Variants in PDE11A observed in about 807,000 individuals in gnomAD.
The protein encoded by PDE11A is dual 3',5'-cyclic-AMP and -GMP phosphodiesterase 11A.
PDE11A carries 100 observed loss-of-function variants against 100.5 expected under a neutral mutation model. The ratio of observed to expected loss-of-function variants is 1.00; its 90% confidence interval spans 0.85 to 1.18. PDE11A has a LOEUF of 1.18. PDE11A is among the 50% of genes most tolerant of loss of function. The pLI is 0.00. For missense variants in PDE11A, 1,141 were observed against 1,152.6 expected (o/e 0.99, Z 0.15); for synonymous variants, 381 against 420.8 (o/e 0.91, Z 1.16).
chr2:177,898,924 G>A (rs2084655930), intron 3 of PDE11A, among the ~76,000 whole-genome samples: 1 of 152,180 alleles, frequency 6.6e-6, no homozygotes, highest in East Asian at 1.9e-4. Flanking sequence ...TTTAACTTTG[G>A]AACATTTACC....
intron 18 of PDE11A, among the ~76,000 whole-genome samples, chr2:177,668,170 A>G (rs2080617558): frequency 6.6e-6 from 1 of 152,192 alleles, no homozygotes; most frequent in Non-Finnish European, 1.5e-5. Context: ...GAGCCTACAG[A>G]TAAAGGCTCC....
At position 178,014,359 on chromosome 2, in the gene PDE11A, C is replaced by G. The variant is rs1460532910; in HGVS notation, c.1014G>C (p.Val338=). The G allele has an allele frequency of 6.2e-7, 1 of 1,612,728 alleles. No individual in the cohort carries two copies. The highest frequency in any genetic ancestry group is 1.7e-5 in the Admixed American group (1 of 60,012). ...CAGGAATCTTATTTATCGCTTGGGC[C>G]ACACCAATAATCTCACCATCACTGC... ...IRSSDGEIIG[V]AQAINKIPEG... Residue 338 remains valine (V), a synonymous_variant, in exon 2 of 20, where the codon GTG becomes GTC. Coordinates refer to ENST00000286063, the MANE Select transcript of PDE11A (RefSeq NM_016953.4).
intron 1 of PDE11A, chr2:178,104,479 G>A: frequency 6.2e-7 from 1 of 1,612,796 alleles, no homozygotes; most frequent in African/African-American, 1.3e-5. Context: ...ATGTTGCTCT[G>A]CAATGGAACA....
chr2:177,916,918 G>A (rs112782151), intron 2 of PDE11A, among the ~76,000 whole-genome samples: 11,391 of 142,300 alleles, frequency 0.08, 460 homozygotes, highest in Middle Eastern at 0.15. Flanking sequence ...CTGCCACCAC[G>A]CCCGGCTAAT....
At chr2:177,746,420 A>T (rs1382197720) in intron 10 of PDE11A, among the ~76,000 whole-genome samples, 1 of 152,214 alleles carries the variant, frequency 6.6e-6, no homozygotes, top group Non-Finnish European at 1.5e-5. Context: ...GAAATGAAAT[A>T]ACTAAACAAA....
At chr2:177,755,523 C>A (rs1355606895) in intron 10 of PDE11A, among the ~76,000 whole-genome samples, 1 of 152,172 alleles carries the variant, frequency 6.6e-6, no homozygotes, top group Non-Finnish European at 1.5e-5. Flanking sequence ...CACCAGGTAC[C>A]TCTTTCCTTT....
intron 5 of PDE11A, among the ~76,000 whole-genome samples, chr2:177,840,996 T>A (rs1030498821): frequency 6.6e-6 from 1 of 152,230 alleles, no homozygotes; most frequent in Non-Finnish European, 1.5e-5. Flanking sequence ...ATAGCCCATA[T>A]ACCACTTACA....
At chr2:177,774,054 G>T (rs571478981) in intron 9 of PDE11A, among the ~76,000 whole-genome samples, 1 of 152,272 alleles carries the variant, frequency 6.6e-6, no homozygotes, top group Non-Finnish European at 1.5e-5. Flanking sequence ...CTCAGTGTTT[G>T]CAGGTTTTAC....
chr2:177,644,310 T>C (rs2080188788), intron 19 of PDE11A, among the ~76,000 whole-genome samples: 3 of 152,234 alleles, frequency 2.0e-5, no homozygotes. Context: ...CACAGGAACC[T>C]ACCTCTTGCA....
intron 2 of PDE11A, among the ~76,000 whole-genome samples, chr2:177,923,572 C>A (rs924119550): frequency 3.3e-5 from 5 of 152,120 alleles, no homozygotes; most frequent in African/African-American, 1.2e-4. Flanking sequence ...GAAAACCAAT[C>A]CTCTAGTAGA....
chr2:177,942,732 A>G (rs2085359905), intron 2 of PDE11A, among the ~76,000 whole-genome samples: 1 of 152,204 alleles, frequency 6.6e-6, no homozygotes, highest in South Asian at 2.1e-4. Context: ...AAAAAAACAC[A>G]TAACATAAAA....
chr2:177,901,978 T>C (rs2084704644), intron 3 of PDE11A, among the ~76,000 whole-genome samples: 1 of 152,194 alleles, frequency 6.6e-6, no homozygotes, highest in African/African-American at 2.4e-5. Context: ...AATTGCTTTA[T>C]TAATGAGTGA....
At chr2:177,745,526 C>A (rs1012725317) in intron 10 of PDE11A, among the ~76,000 whole-genome samples, 2 of 152,182 alleles carry the variant, frequency 1.3e-5, no homozygotes, top group African/African-American at 2.4e-5. Flanking sequence ...CCAGGTGATG[C>A]CAGTGAGATG....
At chr2:178,015,911 T>G (rs1400996981) in intron 1 of PDE11A, among the ~76,000 whole-genome samples, 1 of 152,130 alleles carries the variant, frequency 6.6e-6, no homozygotes, top group African/African-American at 2.4e-5. Flanking sequence ...GGAGTGAGGC[T>G]TCTTCCTGTA....
At chr2:177,657,623 G>A (rs898694171) in intron 19 of PDE11A, among the ~76,000 whole-genome samples, 1 of 151,984 alleles carries the variant, frequency 6.6e-6, no homozygotes, top group Admixed American at 6.6e-5. Context: ...GGGAAGAGGG[G>A]GAGTGGGGAG....
intron 4 of PDE11A, among the ~76,000 whole-genome samples, chr2:177,882,794 T>C (rs971487247): frequency 3.3e-5 from 5 of 152,200 alleles, no homozygotes; most frequent in Non-Finnish European, 5.9e-5. Flanking sequence ...TATCAAGTGC[T>C]AGTTGGTCTG....
chr2:177,962,848 A>G (rs1462130099), intron 2 of PDE11A, among the ~76,000 whole-genome samples: 5 of 152,190 alleles, frequency 3.3e-5, no homozygotes, highest in Non-Finnish European at 7.4e-5. Flanking sequence ...GCTAAAGAAA[A>G]AAAATCTCAA....
At chr2:177,971,267 T>C (rs914935267) in intron 2 of PDE11A, among the ~76,000 whole-genome samples, 8 of 152,162 alleles carry the variant, frequency 5.3e-5, no homozygotes, top group Admixed American at 2.0e-4. Context: ...ACCTACAGTA[T>C]ATTTACTTTT....
At chr2:177,798,365 C>T (rs1424516598) in intron 9 of PDE11A, among the ~76,000 whole-genome samples, 1 of 152,168 alleles carries the variant, frequency 6.6e-6, no homozygotes, top group African/African-American at 2.4e-5. Flanking sequence ...GATTGTACTA[C>T]AGCTTATGAA....
Sources: gnomAD v4.1 joint callset for allele counts (sites outside exome capture counted in the v4.1 genomes callset) on GRCh38, gnomAD v4.1.1 for gene constraint, MANE v1.5 for transcripts, NCBI Gene and HGNC (gene_info 2026-07-23, HGNC 2026-07-21) for gene names.